ARHGEF28: variants seen among roughly 807,000 people sequenced by gnomAD.
The protein encoded by ARHGEF28 is Rho guanine nucleotide exchange factor 28, also known as 190 kDa guanine nucleotide exchange factor.
ARHGEF28 carries 152 observed loss-of-function variants against 206.6 expected under a neutral mutation model. The ratio of observed to expected loss-of-function variants is 0.74; its 90% CI spans 0.64 to 0.84. ARHGEF28 has a LOEUF of 0.84. ARHGEF28 is among the 40% of genes least tolerant of loss of function. ARHGEF28 has a pLI of 0.00. For missense variants in ARHGEF28, 2,028 were observed against 2,073.2 expected, an observed-to-expected ratio of 0.98 and a Z score of 0.42; for synonymous variants, 763 against 776.4, an observed-to-expected ratio of 0.98 and a Z score of 0.29.
intron 27 of ARHGEF28, among the ~76,000 whole-genome samples, chr5:73,892,476 C>T (rs1055180774): frequency 1.1e-4 from 16 of 152,212 alleles, no homozygotes; most frequent in Non-Finnish European, 2.2e-4. Context: ...GCCTCCCCTC[C>T]TCCATGAGGA....
chr5:73,815,572 G>A (rs951793264), intron 9 of ARHGEF28, among the ~76,000 whole-genome samples: 3 of 152,118 alleles, frequency 2.0e-5, no homozygotes, highest in Non-Finnish European at 4.4e-5. Flanking sequence ...TTAAATTTGG[G>A]TTGTAATCTG....
Position 73,780,750 on chromosome 5 carries a change from G to A in ARHGEF28, c.910+5G>A, listed in dbSNP as rs1338891616. 9.0e-6 allele frequency: 14 copies of A among 1,554,744 alleles called. No individual in the cohort carries two copies. Among genetic ancestry groups the A allele is most frequent in the African/African-American group, 8.2e-5 (6 of 73,154 alleles). ...GCGGTGCAGAAACTGAAGAAGGTAC[G>A]CATGCTCCTTTCCCACTTATGGCAG... On this transcript the variant is annotated splice_donor_5th_base_variant and intron_variant, in intron 7 of 35. Coordinates refer to ENST00000513042, the MANE Select transcript of ARHGEF28 (RefSeq NM_001177693.2).
intron 11 of ARHGEF28, among the ~76,000 whole-genome samples, chr5:73,845,985 T>C (rs1758313503): frequency 8.0e-5 from 1 of 12,538 alleles, no homozygotes; most frequent in Admixed American, 7.9e-4. Flanking sequence ...CAAAACTGTC[T>C]CAAAAAAAAA....
intron 7 of ARHGEF28, among the ~76,000 whole-genome samples, chr5:73,792,488 C>T (rs924945696): frequency 6.6e-6 from 1 of 152,104 alleles, no homozygotes; most frequent in Non-Finnish European, 1.5e-5. Flanking sequence ...GTACAGAATT[C>T]TTTAGGAATG....
At chr5:73,677,836 C>T (rs1057059244) in intron 1 of ARHGEF28, among the ~76,000 whole-genome samples, 1 of 152,138 alleles carries the variant, frequency 6.6e-6, no homozygotes, top group African/African-American at 2.4e-5. Context: ...AGAAACATTT[C>T]TGGAAAATGT....
At chr5:73,814,613 A>C (rs1172569085) in intron 9 of ARHGEF28, among the ~76,000 whole-genome samples, 2 of 152,058 alleles carry the variant, frequency 1.3e-5, no homozygotes, top group Admixed American at 1.3e-4. Context: ...CATTTTCATA[A>C]GCTTACAAGC....
chr5:73,755,273 T>C (rs1472438967), intron 4 of ARHGEF28, among the ~76,000 whole-genome samples: 1 of 152,010 alleles, frequency 6.6e-6, no homozygotes, highest in East Asian at 1.9e-4. Context: ...GCCTCTTGGA[T>C]TTTTAAAAAG....
chr5:73,836,831 T>C (rs1052231628), intron 10 of ARHGEF28, among the ~76,000 whole-genome samples: 3 of 152,150 alleles, frequency 2.0e-5, no homozygotes, highest in Admixed American at 6.5e-5. Context: ...TGAGTTGATA[T>C]TTGTATATGT....
rs545906732 is a variant in ARHGEF28 at position 73,658,482 on chromosome 5, A to G, written c.-11-26359A>G. Among the ~76,000 whole-genome samples the G allele has an allele frequency of 4.4e-3, 668 of 152,336 alleles. 2 individuals carry two copies. The highest frequency in any genetic ancestry group is 0.012 in the Admixed American group (178 of 15,292). On this transcript the variant is annotated intron_variant, in intron 1 of 35. Transcript: ENST00000513042. ...TAGGAATGAATGGGATTCGGCCACA[A>G]GAGGAAGGAGAAGAGATGGATGGAG...
Position 73,672,647 on chromosome 5 carries a change from A to G in ARHGEF28, c.-11-12194A>G, listed in dbSNP as rs186651640. Among the ~76,000 whole-genome samples the G allele has an allele frequency of 7.2e-5, 11 of 152,360 alleles. No homozygotes were observed. In the East Asian group the frequency reaches 1.9e-3, roughly 27 times the overall value. On this transcript the variant is annotated intron_variant, in intron 1 of 35. Coordinates refer to ENST00000513042, the MANE Select transcript of ARHGEF28 (RefSeq NM_001177693.2). ...CTAATGAGGAAATTGATACCTTGGT[A>G]GGTCGTATCTTGCCCATGATGCTTG...
At chr5:73,671,048 T>C (rs894588859) in intron 1 of ARHGEF28, among the ~76,000 whole-genome samples, 2 of 152,154 alleles carry the variant, frequency 1.3e-5, no homozygotes, top group Admixed American at 1.3e-4. Flanking sequence ...TGTAGAATCT[T>C]GACAGAAAAA....
intron 22 of ARHGEF28, among the ~76,000 whole-genome samples, chr5:73,882,003 T>C (rs1340428112): frequency 1.3e-5 from 2 of 152,182 alleles, no homozygotes; most frequent in Non-Finnish European, 2.9e-5. Context: ...ATGGACATGG[T>C]CATTAGCCAG....
intron 22 of ARHGEF28, among the ~76,000 whole-genome samples, chr5:73,878,307 C>T (rs1442503203): frequency 6.6e-6 from 1 of 150,572 alleles, no homozygotes. Flanking sequence ...TTATTTTGAG[C>T]CTATGTGTGT....
chr5:73,902,957 CA>C (rs1255484964), intron 31 of ARHGEF28: 7 of 152,274 alleles, frequency 4.6e-5, no homozygotes, highest in African/African-American at 1.4e-4. Flanking sequence ...GCGAGAACGC[CA>C]ACCATCCCTC....
At chr5:73,910,572 C>T (rs916101552) in intron 34 of ARHGEF28, among the ~76,000 whole-genome samples, 10 of 151,920 alleles carry the variant, frequency 6.6e-5, no homozygotes, top group African/African-American at 2.4e-4. Flanking sequence ...TTGAAGGACT[C>T]TCTTTATATG....
At chr5:73,673,312 C>G (rs374901276) in intron 1 of ARHGEF28, among the ~76,000 whole-genome samples, 5 of 152,292 alleles carry the variant, frequency 3.3e-5, no homozygotes, top group African/African-American at 9.6e-5. Flanking sequence ...AACTGTGAGT[C>G]AGCATTTCCT....
intron 2 of ARHGEF28, among the ~76,000 whole-genome samples, chr5:73,742,167 T>G (rs1234416689): frequency 4.6e-5 from 7 of 152,236 alleles, no homozygotes; most frequent in Non-Finnish European, 1.5e-5. Context: ...GATGTCTTTT[T>G]ACTTTTAAGC....
At chr5:73,885,708 A>C (rs1283860197) in intron 24 of ARHGEF28, 142 bp from the exon 25 acceptor site, 2 of 986,566 alleles carry the variant, frequency 2.0e-6, no homozygotes, top group Non-Finnish European at 2.8e-6. Flanking sequence ...ATTTAAGTTT[A>C]ATCCAACATT....
intron 2 of ARHGEF28, among the ~76,000 whole-genome samples, chr5:73,735,945 C>G (rs1039108954): frequency 7.2e-5 from 11 of 152,166 alleles, no homozygotes; most frequent in African/African-American, 2.7e-4. Flanking sequence ...ACTCCCTCTC[C>G]CATCCATACA....
Sources: gnomAD v4.1 joint callset for allele counts (sites outside exome capture counted in the v4.1 genomes callset) on GRCh38, gnomAD v4.1.1 for gene constraint, MANE v1.5 for transcripts, NCBI Gene and HGNC (gene_info 2026-07-23, HGNC 2026-07-21) for gene names.